EXOC4: variants seen among roughly 807,000 people sequenced by gnomAD.
EXOC4 encodes the protein SEC8-like 1.
In EXOC4, 71 loss-of-function variants were observed where a neutral mutation model predicts 107.2. That is an observed-to-expected ratio of 0.66 (90% CI 0.55 to 0.81). The LOEUF (loss-of-function observed/expected upper bound fraction) is 0.81, where lower values mean the gene tolerates loss of function less well. EXOC4 is among the 30% of genes least tolerant of loss of function. The probability of loss-of-function intolerance (pLI) is 0.00; values close to 1 mark genes in which losing one functional copy is unlikely to be tolerated. For synonymous variants in EXOC4, 456 were observed against 441.2 expected (o/e 1.03, Z -0.42); for missense variants, 1,108 against 1,189.6 (o/e 0.93, Z 1.01).
intron 14 of EXOC4, among the ~76,000 whole-genome samples, chr7:133,979,013 G>T (rs971356414): frequency 1.2e-4 from 18 of 152,152 alleles, no homozygotes; most frequent in Non-Finnish European, 2.9e-5. Context: ...GTAATAGGAA[G>T]GTGAACGTAT....
chr7:133,255,165 G>GCTTTT (rs147807041), intron 1 of EXOC4, among the ~76,000 whole-genome samples: 7 of 117,080 alleles, frequency 6.0e-5, no homozygotes, highest in Non-Finnish European at 7.9e-5. Flanking sequence ...GCATTATATT[G>GCTTTT]CTTTTCTTTT....
chr7:133,990,268 T>TC (rs60183854), intron 14 of EXOC4, among the ~76,000 whole-genome samples: 4,601 of 109,868 alleles, frequency 0.042, 82 homozygotes, highest in African/African-American at 0.099. Flanking sequence ...AACTTTCCCC[T>TC]CCCCCCCCCA....
intron 9 of EXOC4, among the ~76,000 whole-genome samples, chr7:133,596,096 A>T (rs559694772): frequency 2.6e-5 from 4 of 152,194 alleles, no homozygotes; most frequent in Non-Finnish European, 5.9e-5. Context: ...TATGCATTTC[A>T]TCTGTGTAAT....
intron 17 of EXOC4, 66 bp downstream of exon 17, chr7:134,007,901 T>C: frequency 7.0e-7 from 1 of 1,438,704 alleles, no homozygotes; most frequent in Non-Finnish European, 9.4e-7. Context: ...GTGAAGTCAT[T>C]TTTAAAAATA....
intron 9 of EXOC4, among the ~76,000 whole-genome samples, chr7:133,570,382 G>C (rs1456509669): frequency 6.6e-6 from 1 of 152,140 alleles, no homozygotes; most frequent in South Asian, 2.1e-4. Flanking sequence ...AAGCAAATTT[G>C]GTGGCAGAGA....
At chr7:133,865,866 T>G (rs1798628390) in intron 11 of EXOC4, among the ~76,000 whole-genome samples, 1 of 152,146 alleles carries the variant, frequency 6.6e-6, no homozygotes, top group South Asian at 2.1e-4. Flanking sequence ...ACACTGAAGA[T>G]CGTAATTCAA....
intron 9 of EXOC4, chr7:133,576,701 A>G (rs769729714): frequency 7.3e-5 from 94 of 1,289,684 alleles, no homozygotes; most frequent in Admixed American, 2.5e-4. Flanking sequence ...AACCATCTCA[A>G]TGAAGACTTG....
intron 11 of EXOC4, among the ~76,000 whole-genome samples, chr7:133,824,529 C>T (rs1156251116): frequency 6.6e-6 from 1 of 152,152 alleles, no homozygotes; most frequent in Non-Finnish European, 1.5e-5. Context: ...CATTTATTAG[C>T]AGCAGAAGCA....
chr7:133,403,749 G>A (rs1797146104), intron 7 of EXOC4, among the ~76,000 whole-genome samples: 1 of 152,028 alleles, frequency 6.6e-6, no homozygotes, highest in African/African-American at 2.4e-5. Context: ...GGGCAATATA[G>A]CAAGATCCCA....
intron 14 of EXOC4, among the ~76,000 whole-genome samples, chr7:133,979,681 G>A (rs979648611): frequency 6.6e-5 from 10 of 151,896 alleles, no homozygotes; most frequent in Non-Finnish European, 1.5e-4. Flanking sequence ...CCAGCTACTC[G>A]GGAGGCTGAG....
intron 11 of EXOC4, among the ~76,000 whole-genome samples, chr7:133,865,812 TC>T (rs997434228): frequency 2.0e-5 from 3 of 152,120 alleles, no homozygotes; most frequent in African/African-American, 7.2e-5. Flanking sequence ...AAGGGGGAAA[TC>T]CACCTGCATG....
At chr7:133,475,608 G>GAGTT (rs1478562649) in intron 8 of EXOC4, 135 bp downstream of exon 8, 1 of 757,958 alleles carries the variant, frequency 1.3e-6, no homozygotes, top group Admixed American at 3.2e-5. Context: ...AATATATGTT[G>GAGTT]AGTTTTATTT....
intron 13 of EXOC4, among the ~76,000 whole-genome samples, chr7:133,925,566 A>G (rs908046896): frequency 6.6e-6 from 1 of 152,118 alleles, no homozygotes; most frequent in Admixed American, 6.6e-5. Flanking sequence ...TATTAGAAAA[A>G]CAGCCCCCAC....
chr7:133,378,415 A>C (rs1796538626), intron 7 of EXOC4, among the ~76,000 whole-genome samples: 1 of 151,356 alleles, frequency 6.6e-6, no homozygotes, highest in East Asian at 1.9e-4. Flanking sequence ...GAATATGTGG[A>C]CAAAAAAAAA....
intron 11 of EXOC4, among the ~76,000 whole-genome samples, chr7:133,836,006 A>G (rs1312132007): frequency 6.6e-6 from 1 of 152,244 alleles, no homozygotes; most frequent in Non-Finnish European, 1.5e-5. Context: ...TACCTCAATT[A>G]GTAGCAAAAA....
intron 7 of EXOC4, among the ~76,000 whole-genome samples, chr7:133,381,564 AGAG>A (rs1796619429): frequency 6.6e-6 from 1 of 152,190 alleles, no homozygotes; most frequent in Non-Finnish European, 1.5e-5. Flanking sequence ...GGTAAGAAGA[AGAG>A]TTTAGCATAA....
intron 12 of EXOC4, among the ~76,000 whole-genome samples, chr7:133,899,487 C>G (rs1390560594): frequency 6.6e-6 from 1 of 152,250 alleles, no homozygotes; most frequent in Non-Finnish European, 1.5e-5. Flanking sequence ...GTGATACTCT[C>G]CTGTCCATTG....
chr7:133,574,046 T>G (rs1383848491), intron 9 of EXOC4, among the ~76,000 whole-genome samples: 1 of 152,192 alleles, frequency 6.6e-6, no homozygotes, highest in Non-Finnish European at 1.5e-5. Flanking sequence ...CTTCTTAATA[T>G]CATGAGTTAT....
chr7:134,096,017 A>C, the EXOC4 span, among the ~76,000 whole-genome samples: 8 of 152,156 alleles, frequency 5.3e-5, no homozygotes, highest in Non-Finnish European at 1.0e-4. Flanking sequence ...CAGAGTGAAC[A>C]GACAACCCAC....
Sources: allele counts gnomAD v4.1 joint callset (sites outside exome capture counted in the v4.1 genomes callset), GRCh38; gene constraint gnomAD v4.1.1; transcripts MANE v1.5; gene names NCBI Gene and HGNC (gene_info 2026-07-23, HGNC 2026-07-21).